The following FSTL4 variants were observed in gnomAD, a reference collection of about 807,000 sequenced individuals.
FSTL4 encodes follistatin-related protein 4.
In FSTL4, 28 loss-of-function variants were observed where a neutral mutation model predicts 78.2. The observed-to-expected ratio is 0.36, with a 90% CI of 0.27 to 0.49. The LOEUF is 0.49. Ranked by LOEUF, FSTL4 falls within the 20% of genes least tolerant of loss-of-function variation. The pLI is 0.98. For missense variants in FSTL4, 922 were observed against 1,084.9 expected (o/e 0.85, Z 2.11); for synonymous variants, 422 against 440.5 (o/e 0.96, Z 0.53).
At chr5:133,393,999 C>G (rs1447084781) in intron 4 of FSTL4, among the ~76,000 whole-genome samples, 1 of 152,220 alleles carries the variant, frequency 6.6e-6, no homozygotes, top group Non-Finnish European at 1.5e-5. Flanking sequence ...AGGGACATGC[C>G]TTGCTGAGCC....
At chr5:133,466,511 C>T (rs182064482) in intron 3 of FSTL4, among the ~76,000 whole-genome samples, 75 of 151,360 alleles carry the variant, frequency 5.0e-4, no homozygotes, top group Non-Finnish European at 9.7e-4. Flanking sequence ...CACTGCAGTC[C>T]GGCCTGGGCG....
At position 133,567,443 on chromosome 5, in the gene FSTL4, C is replaced by G. The variant is rs544644818; in HGVS notation, c.127-224G>C. 2.6e-5 allele frequency among the ~76,000 whole-genome samples: 4 copies of G among 152,324 alleles called. No homozygotes were observed. The East Asian group carries it at 7.7e-4, about 29-fold the overall frequency. ...TAGGCAAAAAAAATCCTGTTAATCA[C>G]AAAGTTTTTAATGAGCACAGCTCAT... On this transcript the variant is annotated intron_variant, in intron 2 of 15. Coordinates refer to ENST00000265342, the MANE Select transcript of FSTL4 (RefSeq NM_015082.2).
At chr5:133,684,162 G>A in the FSTL4 span, among the ~76,000 whole-genome samples, 158 of 152,338 alleles carry the variant, frequency 1.0e-3, 1 homozygote, top group South Asian at 0.015. Flanking sequence ...CTCTGCGTTC[G>A]GAAAGGTCTT....
chr5:133,441,784 C>T (rs1303083880), intron 3 of FSTL4, among the ~76,000 whole-genome samples: 4 of 152,234 alleles, frequency 2.6e-5, no homozygotes, highest in African/African-American at 9.6e-5. Flanking sequence ...TGACACTGCT[C>T]CGCACATGGT....
chr5:133,828,955 G>C, the FSTL4 span, among the ~76,000 whole-genome samples: 16 of 152,140 alleles, frequency 1.1e-4, no homozygotes, highest in South Asian at 1.0e-3. Context: ...ACATAACAGC[G>C]GGCAGGCAGC....
At chr5:133,246,397 G>C (rs969304852) in intron 7 of FSTL4, 1 of 152,226 alleles carries the variant, frequency 6.6e-6, no homozygotes, top group Non-Finnish European at 1.5e-5. Flanking sequence ...TTCTTCTAAG[G>C]TTTGCTTTCC....
chr5:133,466,141 GA>G (rs1474464612), intron 3 of FSTL4, among the ~76,000 whole-genome samples: 1 of 152,216 alleles, frequency 6.6e-6, no homozygotes, highest in African/African-American at 2.4e-5. Context: ...TATGGGAAAG[GA>G]GGGGGCAGGG....
In FSTL4 at chr5:133,360,431, A is replaced by C. The variant is rs975256181; in HGVS notation, c.409+40307T>G. Among the ~76,000 whole-genome samples the C allele has an allele frequency of 2.0e-5, 3 of 152,104 alleles. No homozygotes were observed. In the East Asian group the frequency reaches 5.8e-4, roughly 29 times the overall value. On this transcript the variant is annotated intron_variant, in intron 4 of 15. Transcript: ENST00000265342. Reference sequence around the variant, plus strand: ...TTCAAATCTTAAGTTAAAAAACATAAACATCACTATAGTGTCTCTTAGAGT... The same window carrying C: ...TTCAAATCTTAAGTTAAAAAACATACACATCACTATAGTGTCTCTTAGAGT...
At chr5:133,451,303 G>A (rs529800915) in intron 3 of FSTL4, among the ~76,000 whole-genome samples, 3 of 152,242 alleles carry the variant, frequency 2.0e-5, no homozygotes, top group East Asian at 1.9e-4. Context: ...GCTCATGCCT[G>A]TAATCCCAGC....
chr5:133,370,185 C>T (rs1213583239), intron 4 of FSTL4, among the ~76,000 whole-genome samples: 1 of 152,092 alleles, frequency 6.6e-6, no homozygotes, highest in African/African-American at 2.4e-5. Flanking sequence ...CTGATGAGAC[C>T]CAGAGTTCTC....
At chr5:133,565,665 C>G (rs1333442386) in intron 3 of FSTL4, among the ~76,000 whole-genome samples, 1 of 152,192 alleles carries the variant, frequency 6.6e-6, no homozygotes, top group African/African-American at 2.4e-5. Flanking sequence ...CCTCTGGACA[C>G]TCTCATTCTT....
At chr5:133,837,476 G>C in the FSTL4 span, among the ~76,000 whole-genome samples, 1 of 152,112 alleles carries the variant, frequency 6.6e-6, no homozygotes. Flanking sequence ...CTGGATTCCA[G>C]ATACTGTAGA....
chr5:133,562,950 T>C (rs1759951165), intron 3 of FSTL4, among the ~76,000 whole-genome samples: 5 of 152,104 alleles, frequency 3.3e-5, no homozygotes, highest in Admixed American at 2.6e-4. Flanking sequence ...CGGGAGTATC[T>C]TAGAAAGGTA....
the FSTL4 span, among the ~76,000 whole-genome samples, chr5:133,721,353 C>A: frequency 6.6e-6 from 1 of 152,194 alleles, no homozygotes; most frequent in African/African-American, 2.4e-5. Context: ...TCTGGCTACA[C>A]ATTTACCTCT....
the FSTL4 span, among the ~76,000 whole-genome samples, chr5:133,669,650 C>T: frequency 0.4 from 60,689 of 151,946 alleles, 13,635 homozygotes; most frequent in African/African-American, 0.61. Context: ...GCTGCTATTA[C>T]GTTACCTCAA....
intron 4 of FSTL4, among the ~76,000 whole-genome samples, chr5:133,376,468 T>G (rs1025389708): frequency 2.6e-5 from 4 of 152,146 alleles, no homozygotes; most frequent in African/African-American, 7.2e-5. Context: ...GCTTTTAGAA[T>G]TATGGCATAA....
At chr5:133,829,814 A>C in the FSTL4 span, among the ~76,000 whole-genome samples, 1 of 152,144 alleles carries the variant, frequency 6.6e-6, no homozygotes, top group African/African-American at 2.4e-5. Flanking sequence ...CCCCAGAGAC[A>C]AGGTCTCTGG....
rs746418577 is a variant in FSTL4 at position 133,220,818 on chromosome 5, A to T, written c.1388T>A (p.Ile463Asn). Residue 463 changes from isoleucine (I) to asparagine (N), a missense_variant, in exon 12 of 16, where the codon ATC becomes AAC. By Grantham distance (149) the Ile-to-Asn change is moderately radical. Coordinates refer to ENST00000265342, the MANE Select transcript of FSTL4 (RefSeq NM_015082.2). ...MFYVFSDDGI[I>N]VIHPVDCEIQ... ...CTCACAGTCCACAGGATGGATGACGATGATACCGTCGTCGGAGAAGACATA... is the reference window on the plus strand; with the variant it reads ...CTCACAGTCCACAGGATGGATGACGTTGATACCGTCGTCGGAGAAGACATA... The T allele has an allele frequency of 6.2e-7, 1 of 1,613,442 alleles. No homozygotes were observed. The highest frequency in any genetic ancestry group is 1.7e-5 in the Admixed American group (1 of 60,026).
At chr5:133,778,654 G>A in the FSTL4 span, among the ~76,000 whole-genome samples, 1 of 152,150 alleles carries the variant, frequency 6.6e-6, no homozygotes, top group African/African-American at 2.4e-5. Flanking sequence ...GTGCCTCTGG[G>A]AGAGAGGGAG....
Sources: allele counts gnomAD v4.1 joint callset (sites outside exome capture counted in the v4.1 genomes callset), GRCh38; gene constraint gnomAD v4.1.1; transcripts MANE v1.5; gene names NCBI Gene and HGNC (gene_info 2026-07-23, HGNC 2026-07-21).